IKZF1: variants seen among roughly 807,000 people sequenced by gnomAD.
The protein encoded by IKZF1 is IKAROS family zinc finger 1, also known as DNA-binding protein Ikaros.
In IKZF1, 10 loss-of-function variants were observed where a neutral mutation model predicts 51.7. The ratio of observed to expected loss-of-function variants is 0.19; its 90% CI spans 0.12 to 0.33. IKZF1 has a LOEUF of 0.33. IKZF1 is among the 10% of genes least tolerant of loss of function. The pLI is 1.00. For synonymous variants in IKZF1, 280 were observed against 282.3 expected (o/e 0.99, Z 0.08); for missense variants, 484 against 707.5 (o/e 0.68, Z 3.58).
rs1378239143 is a variant in IKZF1 at position 50,319,031 on chromosome 7, C to T, written c.-14-17C>T. On this transcript the variant is annotated splice_polypyrimidine_tract_variant and intron_variant, in intron 1 of 7. Coordinates refer to ENST00000331340, the MANE Select transcript of IKZF1 (RefSeq NM_006060.6). ...GTATTTTTGCTTTAAACTAAAATCC[C>T]TTCCTCTCTTTCTCAGATAACCTGA... 1 of 1,587,216 alleles carries T rather than the reference C, an allele frequency of 6.3e-7. No homozygotes were observed.
intron 3 of IKZF1, chr7:50,369,492 G>C: frequency 2.5e-6 from 1 of 398,564 alleles, no homozygotes; most frequent in Non-Finnish European, 4.4e-6. Flanking sequence ...TAAGGTATTG[G>C]TGTCTCTCTT....
chr7:50,352,600 G>A (rs1802138796), intron 3 of IKZF1, among the ~76,000 whole-genome samples: 1 of 152,184 alleles, frequency 6.6e-6, no homozygotes, highest in Admixed American at 6.5e-5. Context: ...GATGGGATTG[G>A]CTGGTGATTC....
Position 50,387,490 on chromosome 7 carries a change from G to A in IKZF1, c.715+20G>A, listed in dbSNP as rs1036416967. On this transcript the variant is annotated intron_variant, in intron 6 of 7. Coordinates refer to ENST00000331340, the MANE Select transcript of IKZF1 (RefSeq NM_006060.6). ...ACCCAGGTAAGCGCTGCTGCTCGGA[G>A]GCCAGCCTGGTGGGCTCTCCCCCCA... 7.2e-5 allele frequency: 115 copies of A among 1,597,598 alleles called. No individual in the cohort carries two copies. Among genetic ancestry groups the A allele is most frequent in the Non-Finnish European group, 8.8e-5 (103 of 1,172,684 alleles).
chr7:50,369,180 A>G (rs962460427), intron 3 of IKZF1: 3 of 262,584 alleles, frequency 1.1e-5, no homozygotes, highest in Non-Finnish European at 1.4e-5. Flanking sequence ...TTATATGAAC[A>G]TATAAAACAT....
chr7:50,310,208 A>G (rs565974661), intron 1 of IKZF1, among the ~76,000 whole-genome samples: 4 of 152,308 alleles, frequency 2.6e-5, no homozygotes, highest in South Asian at 2.1e-4. Context: ...CCGCTTTAGT[A>G]TGAGGTTGTG....
At chr7:50,386,759 ATATATT>A (rs1813499994) in intron 5 of IKZF1, among the ~76,000 whole-genome samples, 3 of 152,276 alleles carry the variant, frequency 2.0e-5, no homozygotes, top group Admixed American at 1.3e-4. Context: ...CAAATGTAAG[ATATATT>A]TATATTATGT....
intron 3 of IKZF1, among the ~76,000 whole-genome samples, chr7:50,349,542 A>AAGCCTCACC (rs1250660159): frequency 6.6e-6 from 1 of 152,192 alleles, no homozygotes; most frequent in Non-Finnish European, 1.5e-5. Context: ...TTAGCCATGG[A>AAGCCTCACC]AGCCTCACCG....
chr7:50,366,540 G>C (rs1807006747), intron 3 of IKZF1, among the ~76,000 whole-genome samples: 1 of 152,178 alleles, frequency 6.6e-6, no homozygotes, highest in South Asian at 2.1e-4. Flanking sequence ...CTGAGCTCTG[G>C]ATGTAGACTG....
At chr7:50,351,713 A>T (rs891882587) in intron 3 of IKZF1, among the ~76,000 whole-genome samples, 9 of 152,188 alleles carry the variant, frequency 5.9e-5, no homozygotes, top group Non-Finnish European at 8.8e-5. Flanking sequence ...TTTGGAGGCT[A>T]CCTTGGCCAG....
chr7:50,318,984 C>A, intron 1 of IKZF1, 64 bp from the exon 2 acceptor site: 1 of 1,024,878 alleles, frequency 9.8e-7, no homozygotes, highest in Non-Finnish European at 1.5e-6. Flanking sequence ...CTTTATCTCT[C>A]TCTCTTTCTC....
At chr7:50,333,414 A>G (rs1796853518) in intron 3 of IKZF1, among the ~76,000 whole-genome samples, 1 of 152,122 alleles carries the variant, frequency 6.6e-6, no homozygotes, top group African/African-American at 2.4e-5. Context: ...AGCTTTCACC[A>G]TGGAAAGAAA....
chr7:50,362,795 T>A (rs11765490), intron 3 of IKZF1, among the ~76,000 whole-genome samples: 11,580 of 151,988 alleles, frequency 0.076, 644 homozygotes, highest in Non-Finnish European at 0.11. Context: ...AAGAGCAGGT[T>A]GAGGATGATA....
At chr7:50,385,480 G>A (rs1267474682) in intron 5 of IKZF1, among the ~76,000 whole-genome samples, 2 of 152,206 alleles carry the variant, frequency 1.3e-5, no homozygotes, top group South Asian at 4.1e-4. Context: ...GGGTGCTGGG[G>A]GAGCTGGAGG....
At chr7:50,392,412 A>G (rs1403678218) in intron 7 of IKZF1, among the ~76,000 whole-genome samples, 1 of 152,144 alleles carries the variant, frequency 6.6e-6, no homozygotes, top group Non-Finnish European at 1.5e-5. Flanking sequence ...AAGAAGAACA[A>G]GACCATTCGT....
intron 3 of IKZF1, among the ~76,000 whole-genome samples, chr7:50,359,951 C>T (rs748457063): frequency 2.0e-5 from 3 of 152,220 alleles, no homozygotes; most frequent in Non-Finnish European, 4.4e-5. Flanking sequence ...GCTGACTCCC[C>T]AGGATTTCTC....
At chr7:50,311,912 C>A (rs1038208571) in intron 1 of IKZF1, among the ~76,000 whole-genome samples, 3 of 152,040 alleles carry the variant, frequency 2.0e-5, no homozygotes, top group African/African-American at 7.3e-5. Context: ...ATAATGGGAA[C>A]ACAGCAGTTC....
chr7:50,387,202 T>G lies in IKZF1; in HGVS notation c.590-143T>G, dbSNP rs1171221242. On this transcript the variant is annotated intron_variant, in intron 5 of 7. Coordinates refer to ENST00000331340, the MANE Select transcript of IKZF1 (RefSeq NM_006060.6). ...CACCAACGTTTTTAAATTCAGGAAT[T>G]TCACCAAGTCCGTAACAGTTTTAGC... 2.5e-6 allele frequency: 3 copies of G among 1,220,020 alleles called. No individual in the cohort carries two copies. The African/African-American group carries it at 4.7e-5, about 19-fold the overall frequency. 75.6% of individuals were successfully genotyped at this position (1,220,020 alleles called of 1,614,324 possible).
At chr7:50,387,507 C>T (rs370074724) in intron 6 of IKZF1, 37 bp downstream of exon 6, 10 of 1,585,352 alleles carry the variant, frequency 6.3e-6, no homozygotes, top group African/African-American at 5.4e-5. Context: ...CTGGTGGGCT[C>T]TCCCCCCAGC....
At chr7:50,354,504 G>A (rs1411179293) in intron 3 of IKZF1, among the ~76,000 whole-genome samples, 2 of 152,232 alleles carry the variant, frequency 1.3e-5, no homozygotes, top group Non-Finnish European at 2.9e-5. Context: ...CCTGAAGGGA[G>A]CCTAAGAGGT....
Sources: gnomAD v4.1 joint callset for allele counts (sites outside exome capture counted in the v4.1 genomes callset) on GRCh38, gnomAD v4.1.1 for gene constraint, MANE v1.5 for transcripts, NCBI Gene and HGNC (gene_info 2026-07-23, HGNC 2026-07-21) for gene names.